Variants in KHDRBS2 observed in about 807,000 individuals in gnomAD.
KHDRBS2 encodes KH RNA binding domain containing, signal transduction associated 2.
A neutral mutation model predicts 44.3 loss-of-function variants in KHDRBS2; 26 were observed. That is an observed-to-expected ratio of 0.59 (90% CI 0.43 to 0.81). The LOEUF is 0.81. KHDRBS2 is among the 40% of genes least tolerant of loss of function. The probability of loss-of-function intolerance (pLI) is 0.00; values close to 1 mark genes in which losing one functional copy is unlikely to be tolerated. For synonymous variants in KHDRBS2, 194 were observed against 151.1 expected (o/e 1.28, Z -2.08); for missense variants, 476 against 433.1 (o/e 1.10, Z -0.88).
At chr6:61,559,040 G>A in the KHDRBS2 span, among the ~76,000 whole-genome samples, 1 of 152,068 alleles carries the variant, frequency 6.6e-6, no homozygotes, top group Non-Finnish European at 1.5e-5. Flanking sequence ...TTTTTATGAT[G>A]GGGTCTCTCT....
intron 6 of KHDRBS2, among the ~76,000 whole-genome samples, chr6:61,780,703 C>A (rs1782801828): frequency 6.6e-6 from 1 of 152,220 alleles, no homozygotes; most frequent in Non-Finnish European, 1.5e-5. Context: ...AACAAACATT[C>A]ATCTAAATTT....
intron 2 of KHDRBS2, among the ~76,000 whole-genome samples, chr6:62,094,332 T>C (rs1800113823): frequency 6.6e-6 from 1 of 151,968 alleles, no homozygotes; most frequent in Admixed American, 6.6e-5. Flanking sequence ...CATTTGTATG[T>C]CTTCATTTGA....
intron 2 of KHDRBS2, among the ~76,000 whole-genome samples, chr6:62,146,109 T>C (rs1021038862): frequency 1.3e-5 from 2 of 151,896 alleles, no homozygotes; most frequent in African/African-American, 4.8e-5. Context: ...CATATCTCTG[T>C]CTTCAGAGAT....
chr6:61,865,676 C>A (rs1218825626), intron 6 of KHDRBS2, among the ~76,000 whole-genome samples: 1 of 152,130 alleles, frequency 6.6e-6, no homozygotes, highest in Non-Finnish European at 1.5e-5. Flanking sequence ...CCTGCTTTCC[C>A]AACAGTCCCC....
chr6:61,629,961 G>C, the KHDRBS2 span, among the ~76,000 whole-genome samples: 1 of 152,252 alleles, frequency 6.6e-6, no homozygotes, highest in East Asian at 1.9e-4. Context: ...TCCTACACCT[G>C]AGCTAATGAT....
Position 61,700,296 on chromosome 6 carries a change from G to C in KHDRBS2, c.894-3043C>G, listed in dbSNP as rs1768442287. On this transcript the variant is annotated intron_variant, in intron 7 of 8. Coordinates refer to ENST00000281156, the MANE Select transcript of KHDRBS2 (RefSeq NM_152688.4). ...TTTTTATTTTAATTGCTTAAGATAA[G>C]AGACAGAAAAAGAACAGTAGTGGGA... Among the ~76,000 whole-genome samples, 3 of 151,144 alleles carry C rather than the reference G, an allele frequency of 2.0e-5. No homozygotes were observed. The South Asian group carries it at 6.3e-4, about 32-fold the overall frequency.
the KHDRBS2 span, among the ~76,000 whole-genome samples, chr6:61,553,095 C>A: frequency 6.6e-6 from 1 of 152,160 alleles, no homozygotes; most frequent in Non-Finnish European, 1.5e-5. Flanking sequence ...CTTCTTTATA[C>A]AAGTGGTTGA....
chr6:62,148,418 T>C (rs975434873), intron 2 of KHDRBS2, among the ~76,000 whole-genome samples: 2 of 151,896 alleles, frequency 1.3e-5, no homozygotes, highest in South Asian at 2.1e-4. Context: ...ACAAGGACAA[T>C]TGAATGAACA....
chr6:62,156,240 G>GA (rs1816345833), intron 2 of KHDRBS2, among the ~76,000 whole-genome samples: 1 of 152,066 alleles, frequency 6.6e-6, no homozygotes, highest in African/African-American at 2.4e-5. Flanking sequence ...ATAAACATGT[G>GA]AAAAATGTTT....
chr6:61,992,357 C>A (rs1053496717), intron 3 of KHDRBS2, among the ~76,000 whole-genome samples: 11 of 152,136 alleles, frequency 7.2e-5, no homozygotes, highest in Non-Finnish European at 1.5e-4. Flanking sequence ...TTACCATCCT[C>A]TTTTAAACCT....
At chr6:61,699,215 C>A (rs1330638720) in intron 7 of KHDRBS2, among the ~76,000 whole-genome samples, 1 of 151,800 alleles carries the variant, frequency 6.6e-6, no homozygotes, top group African/African-American at 2.4e-5. Context: ...AGCCCAGACA[C>A]CATTTAATTG....
intron 6 of KHDRBS2, among the ~76,000 whole-genome samples, chr6:61,873,709 G>A (rs879620500): frequency 6.6e-6 from 1 of 151,222 alleles, no homozygotes; most frequent in Non-Finnish European, 1.5e-5. Flanking sequence ...ATTTTCATTA[G>A]TGAAAATGAA....
chr6:61,625,456 A>G, the KHDRBS2 span, among the ~76,000 whole-genome samples: 2 of 151,186 alleles, frequency 1.3e-5, no homozygotes, highest in Non-Finnish European at 2.9e-5. Flanking sequence ...TAGTTGGCAA[A>G]TAGCTTCTAG....
chr6:61,723,811 T>C (rs767442265), intron 7 of KHDRBS2, among the ~76,000 whole-genome samples: 1 of 152,140 alleles, frequency 6.6e-6, no homozygotes, highest in Non-Finnish European at 1.5e-5. Flanking sequence ...CTCTGATTAA[T>C]ATGGGATTAT....
chr6:61,929,005 T>C (rs1809501829), intron 4 of KHDRBS2, among the ~76,000 whole-genome samples: 1 of 152,142 alleles, frequency 6.6e-6, no homozygotes, highest in Non-Finnish European at 1.5e-5. Context: ...CAATATCATA[T>C]TTTAACAGTT....
chr6:61,632,112 T>C, the KHDRBS2 span, among the ~76,000 whole-genome samples: 3,721 of 152,278 alleles, frequency 0.024, 71 homozygotes, highest in Middle Eastern at 0.088. Context: ...TTTTCATCAT[T>C]ATGAAAATTT....
chr6:61,696,844 G>A (rs1008220318), intron 8 of KHDRBS2, among the ~76,000 whole-genome samples: 2 of 152,038 alleles, frequency 1.3e-5, no homozygotes, highest in African/African-American at 2.4e-5. Context: ...TATTTTAAAT[G>A]TATGTTACTC....
chr6:62,026,438 ATTT>A (rs70993194), intron 3 of KHDRBS2, among the ~76,000 whole-genome samples: 28,440 of 145,840 alleles, frequency 0.2, 3,535 homozygotes, highest in Middle Eastern at 0.31. Context: ...TATTATTATT[ATTT>A]TTTTTTTTGG....
chr6:61,592,461 A>G, the KHDRBS2 span, among the ~76,000 whole-genome samples: 1 of 152,136 alleles, frequency 6.6e-6, no homozygotes, highest in Non-Finnish European at 1.5e-5. Context: ...CTCAGAAAGA[A>G]TAGATGGAAG....
Sources: allele counts gnomAD v4.1 joint callset (sites outside exome capture counted in the v4.1 genomes callset), GRCh38; gene constraint gnomAD v4.1.1; transcripts MANE v1.5; gene names NCBI Gene and HGNC (gene_info 2026-07-23, HGNC 2026-07-21).